The following NYAP2 variants were observed in gnomAD, a reference collection of about 807,000 sequenced individuals.
The protein encoded by NYAP2 is neuronal tyrosine-phosphorylated phosphoinositide-3-kinase adaptor 2, also known as neuronal tyrosine-phosphorylated phosphoinositide-3-kinase adapter 2.
Under a neutral mutation model 50.4 loss-of-function variants are expected in NYAP2, and 23 were observed. The ratio of observed to expected loss-of-function variants is 0.46; its 90% CI spans 0.33 to 0.65. The LOEUF is 0.65. Ranked by LOEUF, NYAP2 falls within the 30% of genes least tolerant of loss-of-function variation. NYAP2 has a pLI of 0.02. For synonymous variants in NYAP2, 394 were observed against 365.2 expected (o/e 1.08, Z -0.90); for missense variants, 885 against 861.0 (o/e 1.03, Z -0.35).
chr2:225,582,406 T>C lies in NYAP2; in HGVS notation c.989T>C (p.Leu330Pro). The change falls in exon 5 of 7, where the codon CTT becomes CCT. Residue 330 changes from leucine (L) to proline (P), a missense_variant. Coordinates refer to ENST00000636099, the Ensembl canonical transcript of NYAP2. The surrounding 1 kb of genome is among the most constrained non-coding windows in gnomAD (Gnocchi z 7.0). ...ATCCCTCCGCCCTTCCCCAACCTGCTTTCTCACAGACCCCCGCTGCTGGTA... is the reference window on the plus strand; with the variant it reads ...ATCCCTCCGCCCTTCCCCAACCTGCCTTCTCACAGACCCCCGCTGCTGGTA... 1 of 1,605,278 alleles carries C rather than the reference T, an allele frequency of 6.2e-7. No individual in the cohort carries two copies. Among genetic ancestry groups the C allele is most frequent in the Non-Finnish European group, 8.5e-7 (1 of 1,173,996 alleles).
chr2:225,407,849 A>T (rs1426442486), intron 2 of NYAP2, among the ~76,000 whole-genome samples: 1 of 151,904 alleles, frequency 6.6e-6, no homozygotes, highest in Non-Finnish European at 1.5e-5. Flanking sequence ...CCTTCCTTCC[A>T]TCCATCTGTC....
At chr2:225,411,279 T>C (rs1040695660) in intron 3 of NYAP2, among the ~76,000 whole-genome samples, 12 of 152,122 alleles carry the variant, frequency 7.9e-5, no homozygotes, top group African/African-American at 2.7e-4. Flanking sequence ...GAGAAAAGAA[T>C]TAATTAGAGG....
the NYAP2 span, among the ~76,000 whole-genome samples, chr2:225,662,039 T>G: frequency 6.6e-6 from 1 of 152,212 alleles, no homozygotes; most frequent in African/African-American, 2.4e-5. Context: ...TTTGCTCCCA[T>G]TCTAAAACTT....
At chr2:225,478,382 T>A (rs1429766205) in intron 3 of NYAP2, among the ~76,000 whole-genome samples, 1 of 152,168 alleles carries the variant, frequency 6.6e-6, no homozygotes, top group African/African-American at 2.4e-5. Flanking sequence ...TAAAAGAAGA[T>A]GTTAACTCTG....
chr2:225,461,248 A>G (rs1488902320), intron 3 of NYAP2, among the ~76,000 whole-genome samples: 1 of 152,188 alleles, frequency 6.6e-6, no homozygotes, highest in Non-Finnish European at 1.5e-5. Context: ...AAAAACTTTC[A>G]GGGACTTGGA....
chr2:225,561,458 G>A (rs1691871977), intron 4 of NYAP2, among the ~76,000 whole-genome samples: 1 of 152,118 alleles, frequency 6.6e-6, no homozygotes, highest in South Asian at 2.1e-4. Flanking sequence ...TCAACTCATG[G>A]CATTATAAGA....
At chr2:225,674,064 C>T in the NYAP2 span, among the ~76,000 whole-genome samples, 9 of 152,076 alleles carry the variant, frequency 5.9e-5, no homozygotes, top group African/African-American at 1.7e-4. Context: ...AGTCTGAAAT[C>T]GCCTGAGCTG....
chr2:225,688,234 C>T, the NYAP2 span, among the ~76,000 whole-genome samples: 3 of 152,122 alleles, frequency 2.0e-5, no homozygotes, highest in Non-Finnish European at 4.4e-5. Flanking sequence ...TAGATGCCTC[C>T]TGGGGTTTAT....
chr2:225,437,325 G>A lies in NYAP2; in HGVS notation c.221+28224G>A, dbSNP rs115433135. Among the ~76,000 whole-genome samples, 760 of 152,230 alleles carry A rather than the reference G, an allele frequency of 5.0e-3. 6 individuals carry two copies. The highest frequency in any genetic ancestry group is 0.017 in the African/African-American group (713 of 41,526). On this transcript the variant is annotated intron_variant, in intron 3 of 6. Transcript: ENST00000636099. ...TGTGAAGGATACTTTCTGCTCCTGTGTTTTAATCATCTAAAGAGAAAAACA... is the reference window on the plus strand; with the variant it reads ...TGTGAAGGATACTTTCTGCTCCTGTATTTTAATCATCTAAAGAGAAAAACA...
chr2:225,670,528 TA>T, the NYAP2 span, among the ~76,000 whole-genome samples: 3 of 151,428 alleles, frequency 2.0e-5, no homozygotes, highest in African/African-American at 7.3e-5. Context: ...TTATGATTTT[TA>T]TAGCCTTATG....
chr2:225,417,657 A>C (rs917966452), intron 3 of NYAP2, among the ~76,000 whole-genome samples: 33 of 152,170 alleles, frequency 2.2e-4, no homozygotes, highest in Non-Finnish European at 3.4e-4. Context: ...ATTTGGGGCT[A>C]AGTATACCAC....
intron 4 of NYAP2, among the ~76,000 whole-genome samples, chr2:225,554,689 G>A (rs1171567297): frequency 6.6e-6 from 1 of 151,942 alleles, no homozygotes; most frequent in African/African-American, 2.4e-5. Context: ...TTGGGGGAGG[G>A]GCAAAGGGAG....
chr2:225,633,400 G>T (rs1057512060), intron 6 of NYAP2, among the ~76,000 whole-genome samples: 1 of 152,196 alleles, frequency 6.6e-6, no homozygotes, highest in African/African-American at 2.4e-5. Flanking sequence ...TCTAAGATGA[G>T]ATGCTAATTG....
intron 6 of NYAP2, among the ~76,000 whole-genome samples, chr2:225,632,374 T>C (rs143606907): frequency 7.0e-4 from 107 of 152,328 alleles, no homozygotes; most frequent in African/African-American, 2.5e-3. Context: ...CTGTCAACTT[T>C]CTGCTTCTGC....
the NYAP2 span, among the ~76,000 whole-genome samples, chr2:225,674,155 A>G: frequency 1.3e-5 from 2 of 151,984 alleles, no homozygotes; most frequent in Non-Finnish European, 2.9e-5. Flanking sequence ...AAAAGTAAAA[A>G]CTTTCATTTC....
chr2:225,648,845 C>T (rs1693682045), intron 6 of NYAP2, among the ~76,000 whole-genome samples: 1 of 152,254 alleles, frequency 6.6e-6, no homozygotes, highest in South Asian at 2.1e-4. Context: ...CTGCATTTGA[C>T]TCCAAGGGAA....
chr2:225,537,548 A>G (rs903581652), intron 4 of NYAP2, among the ~76,000 whole-genome samples: 10 of 152,146 alleles, frequency 6.6e-5, no homozygotes, highest in Non-Finnish European at 1.5e-4. Flanking sequence ...AGACTTATTC[A>G]CTATCATGAT....
chr2:225,604,327 C>T (rs1452884765), intron 5 of NYAP2, among the ~76,000 whole-genome samples: 1 of 152,070 alleles, frequency 6.6e-6, no homozygotes, highest in East Asian at 1.9e-4. Context: ...AATGTGAACG[C>T]CTGGAAAATA....
chr2:225,645,897 CA>C (rs1559239286), intron 6 of NYAP2, among the ~76,000 whole-genome samples: 12 of 43,802 alleles, frequency 2.7e-4, no homozygotes, highest in Non-Finnish European at 4.9e-4. Context: ...TTTAGATGCA[CA>C]GATCCTAAAG....
Sources: gnomAD v4.1 joint callset for allele counts (sites outside exome capture counted in the v4.1 genomes callset) on GRCh38, gnomAD v4.1.1 for gene constraint, Gnocchi (gnomAD v3.1) non-coding constraint, MANE v1.5 for transcripts, NCBI Gene and HGNC (gene_info 2026-07-23, HGNC 2026-07-21) for gene names.